The following KLHL1 variants were observed in gnomAD, a reference collection of about 807,000 sequenced individuals.
KLHL1 encodes kelch-like protein 1.
In KLHL1, 47 loss-of-function variants were observed where a neutral mutation model predicts 77.7. That is an observed-to-expected ratio of 0.60 (90% CI 0.48 to 0.77). The LOEUF (loss-of-function observed/expected upper bound fraction) is 0.77. Ranked by LOEUF, KLHL1 falls within the 30% of genes least tolerant of loss-of-function variation. The pLI, the probability that KLHL1 is intolerant of heterozygous loss-of-function variation, is 0.00. For synonymous variants in KLHL1, 360 were observed against 325.2 expected, an observed-to-expected ratio of 1.11 and a Z score of -1.15; for missense variants, 925 against 910.8, an observed-to-expected ratio of 1.02 and a Z score of -0.20.
At chr13:69,800,159 C>T (rs751023134) in intron 6 of KLHL1, among the ~76,000 whole-genome samples, 1 of 152,218 alleles carries the variant, frequency 6.6e-6, no homozygotes, top group Non-Finnish European at 1.5e-5. Flanking sequence ...TCCCCAAAGT[C>T]AGCAACATTG....
intron 1 of KLHL1, among the ~76,000 whole-genome samples, chr13:70,046,528 C>T (rs1281468473): frequency 1.3e-5 from 2 of 152,130 alleles, no homozygotes; most frequent in Non-Finnish European, 2.9e-5. Flanking sequence ...CGCTCTGTTG[C>T]CCAGGCTGGA....
chr13:70,043,834 C>T (rs1886434380), intron 1 of KLHL1, among the ~76,000 whole-genome samples: 1 of 152,062 alleles, frequency 6.6e-6, no homozygotes, highest in African/African-American at 2.4e-5. Context: ...GAATCTATGC[C>T]CATTGTTAAA....
intron 7 of KLHL1, among the ~76,000 whole-genome samples, chr13:69,754,969 T>C (rs1476083878): frequency 6.6e-6 from 1 of 152,156 alleles, no homozygotes; most frequent in Non-Finnish European, 1.5e-5. Context: ...TTCCTGCATC[T>C]ATGACCCTGC....
At chr13:69,708,412 A>T (rs1477710259) in intron 9 of KLHL1, among the ~76,000 whole-genome samples, 1 of 151,948 alleles carries the variant, frequency 6.6e-6, no homozygotes, top group Admixed American at 6.6e-5. Context: ...GTAAGTTTTG[A>T]TTAGCTTATG....
At chr13:69,826,497 T>A (rs1566297577) in intron 6 of KLHL1, among the ~76,000 whole-genome samples, 1 of 152,056 alleles carries the variant, frequency 6.6e-6, no homozygotes, top group Admixed American at 6.6e-5. Context: ...GGAGAATCGC[T>A]TGAACCTGGG....
intron 4 of KLHL1, among the ~76,000 whole-genome samples, chr13:69,897,936 A>G (rs752151686): frequency 1.3e-5 from 2 of 152,222 alleles, no homozygotes; most frequent in African/African-American, 2.4e-5. Context: ...AACTCAGGTC[A>G]ACAGAACTTC....
At chr13:69,849,630 T>A (rs1368530741) in intron 5 of KLHL1, among the ~76,000 whole-genome samples, 1 of 151,418 alleles carries the variant, frequency 6.6e-6, no homozygotes, top group Non-Finnish European at 1.5e-5. Flanking sequence ...ACAGTCAACA[T>A]TTAGTTTTAT....
intron 1 of KLHL1, among the ~76,000 whole-genome samples, chr13:70,018,751 A>G (rs561155343): frequency 6.6e-6 from 1 of 151,238 alleles, no homozygotes; most frequent in Admixed American, 6.6e-5. Flanking sequence ...CTTAAAGTAG[A>G]TAATTGGGGC....
intron 7 of KLHL1, among the ~76,000 whole-genome samples, chr13:69,770,846 T>G (rs1875529074): frequency 1.3e-5 from 2 of 152,152 alleles, no homozygotes; most frequent in South Asian, 4.1e-4. Context: ...CCTCCTGGGT[T>G]CAAACAATTC....
chr13:69,857,078 T>G (rs1879947389), intron 5 of KLHL1, among the ~76,000 whole-genome samples: 1 of 152,022 alleles, frequency 6.6e-6, no homozygotes, highest in Non-Finnish European at 1.5e-5. Context: ...TGTATAAAAC[T>G]CTCCGTTTTT....
At chr13:70,086,593 AGAAAGAAAGAAAG>A (rs557532184) in intron 1 of KLHL1, among the ~76,000 whole-genome samples, 625 of 52,508 alleles carry the variant, frequency 0.012, 33 homozygotes, top group African/African-American at 0.033. Context: ...AAAAAAAAAA[AGAAAGAAAGAAAG>A]AAAGAAAGAA....
At chr13:69,956,017 G>GAT (rs1214625646) in intron 3 of KLHL1, among the ~76,000 whole-genome samples, 5 of 86,410 alleles carry the variant, frequency 5.8e-5, no homozygotes, top group East Asian at 3.6e-4. Context: ...ATATATATTT[G>GAT]ATATATATTT....
intron 2 of KLHL1, among the ~76,000 whole-genome samples, chr13:69,973,857 G>T (rs146899680): frequency 1.3e-5 from 2 of 152,102 alleles, no homozygotes; most frequent in Non-Finnish European, 1.5e-5. Flanking sequence ...AGGTCATTAG[G>T]CTGAGACATC....
intron 7 of KLHL1, among the ~76,000 whole-genome samples, chr13:69,784,774 A>C (rs1021077932): frequency 3.3e-5 from 5 of 151,904 alleles, no homozygotes; most frequent in African/African-American, 1.2e-4. Context: ...TAGACAGATC[A>C]ACGAGACAGA....
At chr13:69,726,119 G>A (rs372874364) in intron 8 of KLHL1, among the ~76,000 whole-genome samples, 46 of 152,182 alleles carry the variant, frequency 3.0e-4, no homozygotes, top group African/African-American at 1.0e-3. Flanking sequence ...GATATTTCAA[G>A]GAAAGTGCAC....
At chr13:69,909,544 T>C (rs185423669) in intron 4 of KLHL1, among the ~76,000 whole-genome samples, 2 of 151,964 alleles carry the variant, frequency 1.3e-5, no homozygotes, top group South Asian at 4.1e-4. Flanking sequence ...AATTTTTTTT[T>C]AAAAAAATCA....
At chr13:69,903,039 AAGGATCTATTATGG>A (rs1405168354) in intron 4 of KLHL1, among the ~76,000 whole-genome samples, 1 of 152,180 alleles carries the variant, frequency 6.6e-6, no homozygotes, top group Non-Finnish European at 1.5e-5. Flanking sequence ...AGTCTTATTA[AAGGATCTATTATGG>A]AGGATCTATT....
intron 1 of KLHL1, among the ~76,000 whole-genome samples, chr13:70,055,964 CCTTA>C (rs1322459580): frequency 6.6e-6 from 1 of 151,936 alleles, no homozygotes; most frequent in African/African-American, 2.4e-5. Context: ...ACTAATAAGT[CCTTA>C]CTTATCAATA....
chr13:69,967,885 CAAA>C (rs34910448), intron 2 of KLHL1, among the ~76,000 whole-genome samples: 2,181 of 135,138 alleles, frequency 0.016, 55 homozygotes, highest in African/African-American at 0.05. Context: ...GATGCTGAAT[CAAA>C]AAAAAAAAAA....
Sources: allele counts gnomAD v4.1 joint callset (sites outside exome capture counted in the v4.1 genomes callset), GRCh38; gene constraint gnomAD v4.1.1; transcripts MANE v1.5; gene names NCBI Gene and HGNC (gene_info 2026-07-23, HGNC 2026-07-21).